The following TLN2 variants were observed in gnomAD, a reference collection of about 807,000 sequenced individuals.
The protein encoded by TLN2 is talin 2.
Under a neutral mutation model 294.7 loss-of-function variants are expected in TLN2, and 118 were observed. That is an observed-to-expected ratio of 0.40 (90% confidence interval 0.34 to 0.47). The LOEUF (loss-of-function observed/expected upper bound fraction) is 0.47, where lower values mean the gene tolerates loss of function less well. Among genes scored for constraint, TLN2 ranks in the 20% least tolerant of loss-of-function variants. The pLI, the probability that TLN2 is intolerant of heterozygous loss-of-function variation, is 0.84. For synonymous variants in TLN2, 1,431 were observed against 1,304.5 expected (o/e 1.10, Z -2.09); for missense variants, 3,083 against 3,282.2 (o/e 0.94, Z 1.48).
At chr15:62,753,410 C>T (rs1346187129) in intron 35 of TLN2, among the ~76,000 whole-genome samples, 2 of 152,198 alleles carry the variant, frequency 1.3e-5, no homozygotes, top group African/African-American at 4.8e-5. Context: ...TCCTGTCTGC[C>T]AGCCAAAGAG....
At chr15:62,670,896 C>A (rs528921431) in intron 9 of TLN2, among the ~76,000 whole-genome samples, 1 of 152,192 alleles carries the variant, frequency 6.6e-6, no homozygotes, top group Non-Finnish European at 1.5e-5. Context: ...TGTACATTCC[C>A]GCCAGCAGTG....
intron 1 of TLN2, among the ~76,000 whole-genome samples, chr15:62,432,065 C>A (rs989173126): frequency 6.6e-6 from 1 of 152,154 alleles, no homozygotes; most frequent in South Asian, 2.1e-4. Context: ...TAGCAGGCCT[C>A]GTCCTGGTGT....
chr15:62,536,191 G>A (rs1392295659), intron 1 of TLN2, among the ~76,000 whole-genome samples: 1 of 152,176 alleles, frequency 6.6e-6, no homozygotes, highest in East Asian at 1.9e-4. Flanking sequence ...AGTGTTTGCT[G>A]CACAGTAGAA....
intron 1 of TLN2, among the ~76,000 whole-genome samples, chr15:62,500,893 A>G (rs2039269951): frequency 6.6e-6 from 1 of 152,248 alleles, no homozygotes; most frequent in Non-Finnish European, 1.5e-5. Flanking sequence ...GCTCTTGGCC[A>G]TCTTTTCTGA....
At chr15:62,717,047 C>T (rs1006356377) in intron 23 of TLN2, among the ~76,000 whole-genome samples, 4 of 151,972 alleles carry the variant, frequency 2.6e-5, no homozygotes, top group African/African-American at 9.7e-5. Flanking sequence ...TGAGAAGTCC[C>T]TCCATATGCA....
At chr15:62,570,686 C>G (rs529760698) in intron 1 of TLN2, among the ~76,000 whole-genome samples, 1 of 152,302 alleles carries the variant, frequency 6.6e-6, no homozygotes, top group South Asian at 2.1e-4. Context: ...GCTGTTCTGA[C>G]CATCAGAGGA....
intron 1 of TLN2, among the ~76,000 whole-genome samples, chr15:62,582,084 A>G (rs1003788963): frequency 2.6e-5 from 4 of 151,754 alleles, no homozygotes; most frequent in Non-Finnish European, 5.9e-5. Context: ...TGAATGGTGG[A>G]CTAATCACTG....
intron 1 of TLN2, among the ~76,000 whole-genome samples, chr15:62,534,586 A>G (rs899126043): frequency 3.3e-5 from 5 of 152,174 alleles, no homozygotes; most frequent in Non-Finnish European, 5.9e-5. Context: ...TTATGGAAGC[A>G]TCGTTGTGTA....
chr15:62,670,676 T>C (rs969413023), intron 9 of TLN2, among the ~76,000 whole-genome samples: 9 of 152,216 alleles, frequency 5.9e-5, no homozygotes, highest in Non-Finnish European at 1.2e-4. Flanking sequence ...TGATGTTCCA[T>C]TGTATGGAGA....
chr15:62,397,024 G>A (rs1412557037), intron 1 of TLN2, among the ~76,000 whole-genome samples: 1 of 152,108 alleles, frequency 6.6e-6, no homozygotes, highest in Non-Finnish European at 1.5e-5. Flanking sequence ...TTTCTAGATA[G>A]CAGCAGCATC....
chr15:62,840,817 C>T lies in TLN2; in HGVS notation c.*207C>T. On this transcript the variant is annotated 3_prime_UTR_variant, in exon 59 of 59. Coordinates refer to ENST00000636159, the MANE Select transcript of TLN2 (RefSeq NM_015059.3). ...ACACGGTACAATGTCCTACCCACAA[C>T]TCCTCTGCCGCCTCCCCTCATGCCT... 2 of 615,546 alleles carry T rather than the reference C, an allele frequency of 3.2e-6. No individual in the cohort carries two copies. Among genetic ancestry groups the T allele is most frequent in the Non-Finnish European group, 2.6e-6 (1 of 379,380 alleles). 38.1% of individuals were successfully genotyped at this position (615,546 alleles called of 1,614,324 possible).
chr15:62,740,089 A>G (rs1167455264), intron 31 of TLN2, among the ~76,000 whole-genome samples: 2 of 150,238 alleles, frequency 1.3e-5, no homozygotes, highest in Non-Finnish European at 3.0e-5. Flanking sequence ...TCCCTAAAAG[A>G]GATAACCAGG....
chr15:62,392,341 T>G lies in TLN2; in HGVS notation c.-238+1656T>G, dbSNP rs755529532. Among the ~76,000 whole-genome samples the G allele has an allele frequency of 2.6e-5, 4 of 152,174 alleles. No homozygotes were observed. In the East Asian group the frequency reaches 7.7e-4, roughly 29 times the overall value. On this transcript the variant is annotated intron_variant, in intron 1 of 58. Coordinates refer to ENST00000636159, the MANE Select transcript of TLN2 (RefSeq NM_015059.3). Reference sequence around the variant, plus strand: ...GTGTTGGCGTTGTCAAAGACATAATTAAAGACGGTTGGGTAGGGATGATGT... The same window carrying G: ...GTGTTGGCGTTGTCAAAGACATAATGAAAGACGGTTGGGTAGGGATGATGT...
chr15:62,763,392 T>C, intron 39 of TLN2, 171 bp from the exon 40 acceptor site: 7 of 666,300 alleles, frequency 1.1e-5, no homozygotes, highest in Non-Finnish European at 1.7e-5. Flanking sequence ...AATTAAGGAA[T>C]GCATGGGCTG....
At chr15:62,696,673 A>C in intron 14 of TLN2, among the ~76,000 whole-genome samples, 1 of 152,362 alleles carries the variant, frequency 6.6e-6, no homozygotes, top group South Asian at 2.1e-4. Flanking sequence ...ACGCCACTGC[A>C]CTCCAGTCTG....
At chr15:62,479,856 A>G (rs1191265004) in intron 1 of TLN2, among the ~76,000 whole-genome samples, 1 of 152,242 alleles carries the variant, frequency 6.6e-6, no homozygotes, top group Non-Finnish European at 1.5e-5. Context: ...CAGGCCCAGC[A>G]CAGGACTGTG....
intron 2 of TLN2, among the ~76,000 whole-genome samples, chr15:62,597,452 T>A (rs2046628408): frequency 6.6e-6 from 1 of 152,242 alleles, no homozygotes. Flanking sequence ...CCTTTTATAC[T>A]GCAGCAGCTA....
rs755063814 is a variant in TLN2, at chr15:62,761,818, C to T, written c.4776C>T (p.Ser1592=). ...TCAGCATTCCTGCCCAGATCAGCTC[C>T]GAGGTAGGGAGTGTTTACAGGAACA... The part of the protein sequence containing the change: ...EFVSIPAQIS[S]EGSQAQEPIL... Residue 1592 remains serine, a synonymous_variant, in exon 38 of 59, where the codon TCC becomes TCT. Transcript: ENST00000636159. 1.3e-5 allele frequency: 21 copies of T among 1,613,942 alleles called. No individual in the cohort carries two copies. The Middle Eastern group carries it at 4.9e-4, about 38-fold the overall frequency.
intron 9 of TLN2, among the ~76,000 whole-genome samples, chr15:62,670,240 C>G (rs549766014): frequency 3.3e-5 from 5 of 152,326 alleles, no homozygotes; most frequent in African/African-American, 1.2e-4. Context: ...CTGGCAGCAA[C>G]GGTTCTCTCA....
Sources: gnomAD v4.1 joint callset for allele counts (sites outside exome capture counted in the v4.1 genomes callset) on GRCh38, gnomAD v4.1.1 for gene constraint, MANE v1.5 for transcripts, NCBI Gene and HGNC (gene_info 2026-07-23, HGNC 2026-07-21) for gene names.